Variants in GABPB2 observed in about 807,000 individuals in gnomAD.
GABPB2 encodes the protein GA-binding protein subunit beta-2.
In GABPB2, 23 loss-of-function variants were observed where a neutral mutation model predicts 39.1. The ratio of observed to expected loss-of-function variants is 0.59; its 90% CI spans 0.42 to 0.83. The LOEUF is 0.83. GABPB2 is among the 40% of genes least tolerant of loss of function. GABPB2 has a pLI of 0.00. For synonymous variants in GABPB2, 184 were observed against 199.3 expected (o/e 0.92, Z 0.65); for missense variants, 467 against 541.1 (o/e 0.86, Z 1.36).
chr1:151,117,459 G>A lies in GABPB2; in HGVS notation c.990G>A (p.Leu330=). Residue 330 remains leucine, a synonymous_variant, in exon 8 of 9, where the codon TTG becomes TTA. Transcript: ENST00000368918. ...TVIKEEEEEK[L]PLTKKPRIGE... Reference sequence around the variant, plus strand: ...TTAAAGAGGAAGAAGAAGAGAAGTTGCCACTAACAAAGAAACCAAGGATAG... The same window carrying A: ...TTAAAGAGGAAGAAGAAGAGAAGTTACCACTAACAAAGAAACCAAGGATAG... 1.2e-6 allele frequency: 2 copies of A among 1,613,822 alleles called. No homozygotes were observed. Among genetic ancestry groups the A allele is most frequent in the Non-Finnish European group, 1.7e-6 (2 of 1,179,746 alleles).
At chr1:151,102,275 C>G (rs587692882) in intron 5 of GABPB2, among the ~76,000 whole-genome samples, 1 of 151,992 alleles carries the variant, frequency 6.6e-6, no homozygotes, top group Non-Finnish European at 1.5e-5. Context: ...GAGCTGAGAC[C>G]GTGCTACTGC....
intron 5 of GABPB2, among the ~76,000 whole-genome samples, chr1:151,098,562 C>A (rs7537292): frequency 2.0e-5 from 3 of 149,366 alleles, no homozygotes; most frequent in Non-Finnish European, 4.4e-5. Context: ...TATGCCTAGA[C>A]CAAAAATGAA....
intron 1 of GABPB2, among the ~76,000 whole-genome samples, chr1:151,084,610 C>T (rs1252745779): frequency 6.1e-4 from 88 of 144,684 alleles, no homozygotes; most frequent in African/African-American, 2.2e-3. Context: ...TCTCGGCTCA[C>T]TGCAAGCTCC....
chr1:151,093,784 T>A (rs587677271), intron 4 of GABPB2, among the ~76,000 whole-genome samples: 1 of 151,932 alleles, frequency 6.6e-6, no homozygotes, highest in East Asian at 1.9e-4. Flanking sequence ...AGTTACTTGA[T>A]GTTTTCTGAA....
intron 6 of GABPB2, 62 bp downstream of exon 6, chr1:151,103,737 C>G: frequency 9.3e-7 from 1 of 1,073,684 alleles, no homozygotes; most frequent in Non-Finnish European, 1.4e-6. Flanking sequence ...AAGTCTCCAG[C>G]AGATTTAATT....
chr1:151,090,600 T>C (rs1678589220), intron 3 of GABPB2, 27 bp downstream of exon 3: 2 of 1,607,546 alleles, frequency 1.2e-6, no homozygotes, highest in Non-Finnish European at 1.7e-6. Context: ...GGCAAGGTTA[T>C]GTTGTTAAAA....
chr1:151,098,234 T>C (rs1174105198), intron 5 of GABPB2, among the ~76,000 whole-genome samples: 1 of 152,094 alleles, frequency 6.6e-6, no homozygotes, highest in East Asian at 1.9e-4. Context: ...ATATTCTGGC[T>C]TGGGCACAGT....
chr1:151,080,964 C>A (rs1473226191), intron 1 of GABPB2, among the ~76,000 whole-genome samples: 9 of 150,914 alleles, frequency 6.0e-5, no homozygotes, highest in Non-Finnish European at 1.2e-4. Context: ...CCTCTGCCTC[C>A]CGGGTTCACG....
Position 151,107,021 on chromosome 1 carries a change from C to T in GABPB2, c.737-16C>T. On this transcript the variant is annotated splice_polypyrimidine_tract_variant and intron_variant, in intron 6 of 8. Transcript: ENST00000368918. ...TTAAAAAGCTGAAATTTTAAATTTG[C>T]TTTTGTCATCTCTAGCCAATACAGA... The T allele has an allele frequency of 5.2e-6, 8 of 1,544,150 alleles. No individual in the cohort carries two copies. Among genetic ancestry groups the T allele is most frequent in the South Asian group, 1.2e-5 (1 of 81,572 alleles).
intron 7 of GABPB2, among the ~76,000 whole-genome samples, chr1:151,109,345 T>TACATATATACACAA (rs1680211013): frequency 2.4e-5 from 3 of 124,780 alleles, no homozygotes; most frequent in South Asian, 4.7e-4. Context: ...TATACACAAA[T>TACATATATACACAA]ATATATATAT....
At chr1:151,074,989 A>C (rs1677042260) in intron 1 of GABPB2, among the ~76,000 whole-genome samples, 1 of 152,042 alleles carries the variant, frequency 6.6e-6, no homozygotes, top group Non-Finnish European at 1.5e-5. Flanking sequence ...AAAAATACAA[A>C]AATAAGCCAG....
chr1:151,109,132 A>C (rs1253112508), intron 7 of GABPB2, among the ~76,000 whole-genome samples: 1 of 151,958 alleles, frequency 6.6e-6, no homozygotes, highest in Non-Finnish European at 1.5e-5. Flanking sequence ...TCAAGGTCGC[A>C]GTATGCTACC....
intron 1 of GABPB2, among the ~76,000 whole-genome samples, chr1:151,077,736 A>G (rs1176573954): frequency 6.8e-6 from 1 of 146,524 alleles, no homozygotes; most frequent in Non-Finnish European, 1.5e-5. Flanking sequence ...GTGGATCACA[A>G]GGTCAGGAGT....
chr1:151,071,310 A>G (rs1676693030), intron 1 of GABPB2, among the ~76,000 whole-genome samples: 1 of 151,888 alleles, frequency 6.6e-6, no homozygotes, highest in Admixed American at 6.6e-5. Context: ...TCAGACAGAC[A>G]TTGGTGTGAG....
At chr1:151,085,847 A>G (rs1678139895) in intron 1 of GABPB2, among the ~76,000 whole-genome samples, 1 of 152,160 alleles carries the variant, frequency 6.6e-6, no homozygotes, top group Non-Finnish European at 1.5e-5. Context: ...TTTATGTCGG[A>G]TAGGCACAGT....
chr1:151,080,435 C>T (rs1677571797), intron 1 of GABPB2, among the ~76,000 whole-genome samples: 1 of 147,856 alleles, frequency 6.8e-6, no homozygotes, highest in African/African-American at 2.5e-5. Context: ...CGCTTCAACC[C>T]AGGAGGCAGA....
chr1:151,075,722 C>G (rs12024145), intron 1 of GABPB2, among the ~76,000 whole-genome samples: 1 of 144,260 alleles, frequency 6.9e-6, no homozygotes, highest in Admixed American at 6.8e-5. Context: ...AAAACCCCCC[C>G]CAAAAAAACC....
chr1:151,104,172 A>G (rs969584919), intron 6 of GABPB2, among the ~76,000 whole-genome samples: 2 of 152,224 alleles, frequency 1.3e-5, no homozygotes, highest in African/African-American at 4.8e-5. Context: ...TTGAGCAAAT[A>G]TAGGCTATGT....
At chr1:151,085,317 T>C (rs1484441056) in intron 1 of GABPB2, among the ~76,000 whole-genome samples, 1 of 151,658 alleles carries the variant, frequency 6.6e-6, no homozygotes, top group East Asian at 1.9e-4. Flanking sequence ...GAATCGCTTG[T>C]ACCTGGGAAG....
Sources: gnomAD v4.1 joint callset for allele counts (sites outside exome capture counted in the v4.1 genomes callset) on GRCh38, gnomAD v4.1.1 for gene constraint, MANE v1.5 for transcripts, NCBI Gene and HGNC (gene_info 2026-07-23, HGNC 2026-07-21) for gene names.